Variants in SSH2 observed in about 807,000 individuals in gnomAD.
SSH2 encodes the protein protein phosphatase Slingshot homolog 2.
Under a neutral mutation model 135.2 loss-of-function variants are expected in SSH2, and 37 were observed. The observed-to-expected ratio is 0.27, with a 90% CI of 0.21 to 0.36. SSH2 has a LOEUF of 0.36. SSH2 is among the 10% of genes least tolerant of loss of function. The pLI is 1.00. For missense variants in SSH2, 1,408 were observed against 1,765.3 expected (o/e 0.80, Z 3.63); for synonymous variants, 628 against 646.2 (o/e 0.97, Z 0.43).
At chr17:29,750,299 C>T (rs1033251917) in intron 3 of SSH2, among the ~76,000 whole-genome samples, 1 of 150,854 alleles carries the variant, frequency 6.6e-6, no homozygotes, top group African/African-American at 2.4e-5. Context: ...ATTAGCCAGG[C>T]GTGGTGGCAC....
intron 3 of SSH2, among the ~76,000 whole-genome samples, chr17:29,745,608 T>C (rs577838961): frequency 6.6e-6 from 1 of 152,334 alleles, no homozygotes; most frequent in South Asian, 2.1e-4. Flanking sequence ...TCAGGAACCA[T>C]GTCTTGTACT....
chr17:29,922,903 G>A (rs2066999825), intron 1 of SSH2, among the ~76,000 whole-genome samples: 1 of 152,298 alleles, frequency 6.6e-6, no homozygotes, highest in Middle Eastern at 3.4e-3. Flanking sequence ...ATATATAACA[G>A]AAGTCTTTAA....
At chr17:29,672,874 T>G (rs1418510560) in intron 8 of SSH2, among the ~76,000 whole-genome samples, 1 of 152,054 alleles carries the variant, frequency 6.6e-6, no homozygotes. Context: ...ACCGGGCTGA[T>G]TTTTGTATTT....
rs1253095111 is a variant in SSH2 at position 29,628,890 on chromosome 17, G to A, written c.*1951C>T. 1.3e-5 allele frequency: 2 copies of A among 152,264 alleles called. No homozygotes were observed. Among genetic ancestry groups the A allele is most frequent in the South Asian group, 2.1e-4 (1 of 4,832 alleles). The allele number at this position is 152,264 out of a possible 1,614,324, so 9.4% of individuals were successfully genotyped here. A position where few individuals can be genotyped will look rare whatever the true frequency, so the allele number is the denominator to read the frequency against. ...ACTTCACAGCTCCTCTTAAGACCCA[G>A]TGGCCCCAGTCTACCTTTTCTGCAT... On this transcript the variant is annotated 3_prime_UTR_variant, in exon 16 of 16. Coordinates refer to ENST00000540801, the MANE Select transcript of SSH2 (RefSeq NM_001282129.2).
At chr17:29,688,424 A>AT (rs1314854761) in intron 5 of SSH2, among the ~76,000 whole-genome samples, 3 of 152,194 alleles carry the variant, frequency 2.0e-5, no homozygotes, top group African/African-American at 7.2e-5. Flanking sequence ...GGCCCCAGAC[A>AT]TTTAATACTG....
intron 2 of SSH2, among the ~76,000 whole-genome samples, chr17:29,839,767 C>T (rs911410358): frequency 3.3e-5 from 5 of 152,140 alleles, no homozygotes; most frequent in Non-Finnish European, 1.5e-5. Flanking sequence ...CTGCATTTGA[C>T]CCTGACCTCC....
chr17:29,874,175 C>T (rs1277347506), intron 1 of SSH2, among the ~76,000 whole-genome samples: 3 of 151,764 alleles, frequency 2.0e-5, no homozygotes, highest in African/African-American at 7.3e-5. Flanking sequence ...TGCCTGCAGT[C>T]CCAGCTACTC....
chr17:29,678,983 TG>T (rs146957198), intron 6 of SSH2, among the ~76,000 whole-genome samples: 2,128 of 152,250 alleles, frequency 0.014, 43 homozygotes, highest in African/African-American at 0.046. Context: ...CCCAAAGTGT[TG>T]GGATTACAGG....
chr17:29,908,906 A>G (rs775722860), intron 1 of SSH2, among the ~76,000 whole-genome samples: 16 of 151,442 alleles, frequency 1.1e-4, no homozygotes, highest in Non-Finnish European at 2.2e-4. Flanking sequence ...GTGAAACCCC[A>G]TCTCTACTAA....
rs1341357643 is a variant in SSH2, at chr17:29,628,171, C to A, written c.*2670G>T. 2 of 152,176 alleles carry A rather than the reference C, an allele frequency of 1.3e-5. No individual in the cohort carries two copies. Among genetic ancestry groups the A allele is most frequent in the South Asian group, 2.1e-4 (1 of 4,832 alleles). 9.4% of individuals were successfully genotyped at this position (152,176 alleles called of 1,614,324 possible). On this transcript the variant is annotated 3_prime_UTR_variant, in exon 16 of 16. Transcript: ENST00000540801. ...CAGCTATGTAAATAACCCAGGAACA[C>A]CCAATTCTGGGAGTCTGAAAAGGCT...
At chr17:29,700,244 GACA>G (rs2038921658) in intron 4 of SSH2, among the ~76,000 whole-genome samples, 1 of 152,090 alleles carries the variant, frequency 6.6e-6, no homozygotes, top group Admixed American at 6.5e-5. Flanking sequence ...GCCCATTTAT[GACA>G]ACAAGCAATC....
Position 29,632,346 on chromosome 17 carries a change from A to C in SSH2, c.2848T>G (p.Phe950Val), listed in dbSNP as rs2035719541. 6.2e-7 allele frequency: 1 copy of C among 1,613,918 alleles called. No homozygotes were observed. The highest frequency in any genetic ancestry group is 8.5e-7 in the Non-Finnish European group (1 of 1,179,824). ...KSDEAPPEHSFVLKEPEMSKG... is the reference protein window; with the variant it reads ...KSDEAPPEHSVVLKEPEMSKG... Reference sequence around the variant, plus strand: ...CTCATTTCTGGTTCCTTGAGGACAAATGAATGTTCTGGGGGGGCTTCATCA... The same window carrying C: ...CTCATTTCTGGTTCCTTGAGGACAACTGAATGTTCTGGGGGGGCTTCATCA... Residue 950 changes from phenylalanine (F) to valine (V), a missense_variant, in exon 16 of 16, where the codon TTT becomes GTT. Around this residue, in one of 3 missense-constraint regions of SSH2, gnomAD observed 1,080 missense variants for 1,144.5 expected, o/e 0.94. Coordinates refer to ENST00000540801, the MANE Select transcript of SSH2 (RefSeq NM_001282129.2).
chr17:29,735,342 G>A (rs1231240706), intron 3 of SSH2, among the ~76,000 whole-genome samples: 2 of 152,110 alleles, frequency 1.3e-5, no homozygotes, highest in African/African-American at 4.8e-5. Flanking sequence ...GAAACCAGAG[G>A]AAACACAATG....
At chr17:29,706,867 T>C (rs1310159610) in intron 3 of SSH2, among the ~76,000 whole-genome samples, 1 of 152,208 alleles carries the variant, frequency 6.6e-6, no homozygotes, top group Non-Finnish European at 1.5e-5. Context: ...TTTTAAGAAC[T>C]TCCTGGCCGG....
Position 29,764,554 on chromosome 17 carries a change from C to T in SSH2, c.188+29340G>A, listed in dbSNP as rs954278507. On this transcript the variant is annotated intron_variant, in intron 3 of 15. Coordinates refer to ENST00000540801, the MANE Select transcript of SSH2 (RefSeq NM_001282129.2). ...TAAACTAAGTTAGTTTTCTACTCTA[C>T]ATGAAGTCAGAAGGGGCTTTCTGTA... Among the ~76,000 whole-genome samples, 11 of 152,190 alleles carry T rather than the reference C, an allele frequency of 7.2e-5. 1 individual carries two copies. The highest frequency in any genetic ancestry group is 3.9e-4 in the Admixed American group (6 of 15,276).
intron 2 of SSH2, among the ~76,000 whole-genome samples, chr17:29,799,130 C>G (rs969162963): frequency 6.6e-6 from 1 of 152,098 alleles, no homozygotes; most frequent in African/African-American, 2.4e-5. Flanking sequence ...AGCTATAGTT[C>G]ACTCATTTTT....
Position 29,855,972 on chromosome 17 carries a change from T to C in SSH2, c.64-7043A>G, listed in dbSNP as rs887083856. ...GGAAGTGGCTACTGCTTGCACTATTTGTAATCATGTACAGAACATTATCAA... is the reference window on the plus strand; with the variant it reads ...GGAAGTGGCTACTGCTTGCACTATTCGTAATCATGTACAGAACATTATCAA... On this transcript the variant is annotated intron_variant, in intron 1 of 15. Transcript: ENST00000540801. 1.2e-5 allele frequency: 4 copies of C among 323,102 alleles called. No homozygotes were observed. In the Admixed American group the frequency reaches 1.7e-4, roughly 13 times the overall value. The allele number at this position is 323,102 out of a possible 1,614,324, so 20.0% of individuals were successfully genotyped here. A position where few individuals can be genotyped will look rare whatever the true frequency, so the allele number is the denominator to read the frequency against.
intron 3 of SSH2, among the ~76,000 whole-genome samples, chr17:29,749,750 T>TG (rs1469379513): frequency 6.6e-6 from 1 of 152,184 alleles, no homozygotes; most frequent in Non-Finnish European, 1.5e-5. Context: ...TTTTTTGAGA[T>TG]GGAGTCTTAC....
intron 3 of SSH2, among the ~76,000 whole-genome samples, chr17:29,711,271 G>A (rs763573057): frequency 1.5e-4 from 23 of 152,260 alleles, no homozygotes; most frequent in Non-Finnish European, 2.2e-4. Flanking sequence ...AAAACTGAAG[G>A]GGGGAAAAAG....
Sources: allele counts gnomAD v4.1 joint callset (sites outside exome capture counted in the v4.1 genomes callset), GRCh38; gene constraint gnomAD v4.1.1; regional missense constraint gnomAD v4.1.1; transcripts MANE v1.5; gene names NCBI Gene and HGNC (gene_info 2026-07-23, HGNC 2026-07-21).